The following FARS2 variants were observed in gnomAD, a reference collection of about 807,000 sequenced individuals.
The protein encoded by FARS2 is phenylalanine--tRNA ligase, mitochondrial.
FARS2 carries 40 observed loss-of-function variants against 46.4 expected under a neutral mutation model. That is an observed-to-expected ratio of 0.86 (90% CI 0.67 to 1.12). The LOEUF (loss-of-function observed/expected upper bound fraction) is 1.12. Ranked by LOEUF, FARS2 falls within the 50% of genes most tolerant of loss-of-function variation. The pLI, the probability that FARS2 is intolerant of heterozygous loss-of-function variation, is 0.00. For missense variants in FARS2, 513 were observed against 567.9 expected (o/e 0.90, Z 0.98); for synonymous variants, 234 against 214.9 (o/e 1.09, Z -0.78).
intron 4 of FARS2, among the ~76,000 whole-genome samples, chr6:5,487,813 G>T (rs567322627): frequency 6.6e-6 from 1 of 152,236 alleles, no homozygotes; most frequent in Admixed American, 6.5e-5. Context: ...TTTAGATCCT[G>T]CAGTCATCAG....
chr6:5,405,863 C>G (rs1294257986), intron 3 of FARS2, among the ~76,000 whole-genome samples: 1 of 152,106 alleles, frequency 6.6e-6, no homozygotes, highest in African/African-American at 2.4e-5. Context: ...CTGATTACCA[C>G]TATCAACAGG....
At chr6:5,602,223 A>G (rs1406028424) in intron 5 of FARS2, among the ~76,000 whole-genome samples, 3 of 152,198 alleles carry the variant, frequency 2.0e-5, no homozygotes, top group Non-Finnish European at 4.4e-5. Flanking sequence ...AACTTTACTG[A>G]AATAAGGGTG....
At chr6:5,553,119 A>G (rs1202935017) in intron 5 of FARS2, among the ~76,000 whole-genome samples, 1 of 152,160 alleles carries the variant, frequency 6.6e-6, no homozygotes, top group Admixed American at 6.5e-5. Flanking sequence ...CCCTCATTGG[A>G]TGAAATAATT....
At chr6:5,746,456 T>C (rs1031775688) in intron 6 of FARS2, among the ~76,000 whole-genome samples, 9 of 152,276 alleles carry the variant, frequency 5.9e-5, no homozygotes, top group Non-Finnish European at 1.2e-4. Context: ...CCCATTGTCT[T>C]TGAGGTCCTG....
intron 4 of FARS2, among the ~76,000 whole-genome samples, chr6:5,440,919 C>CTT (rs56965644): frequency 1.3e-3 from 191 of 144,452 alleles, no homozygotes; most frequent in Middle Eastern, 3.6e-3. Context: ...CATTTTCTTT[C>CTT]TTTTTTTTTT....
At chr6:5,341,220 TATATATATATATATA>T (rs1161886483) in intron 1 of FARS2, among the ~76,000 whole-genome samples, 348 of 7,658 alleles carry the variant, frequency 0.045, 17 homozygotes, top group African/African-American at 0.055. Flanking sequence ...TATATATATA[TATATATATATATATA>T]TTTTTTTTTT....
At chr6:5,690,406 C>G (rs933580702) in intron 6 of FARS2, among the ~76,000 whole-genome samples, 33 of 151,522 alleles carry the variant, frequency 2.2e-4, no homozygotes, top group Non-Finnish European at 3.4e-4. Context: ...GTGACAAAAT[C>G]TCTCAGCATT....
At chr6:5,738,533 T>A (rs975835818) in intron 6 of FARS2, among the ~76,000 whole-genome samples, 3 of 151,714 alleles carry the variant, frequency 2.0e-5, no homozygotes, top group Admixed American at 2.0e-4. Flanking sequence ...AAGAACAGAG[T>A]TTTTCCTGTT....
chr6:5,365,031 A>AGCCT (rs1758558274), intron 1 of FARS2, among the ~76,000 whole-genome samples: 1 of 151,882 alleles, frequency 6.6e-6, no homozygotes, highest in African/African-American at 2.4e-5. Flanking sequence ...CCTGGGTGAC[A>AGCCT]GAGTAAGACC....
intron 6 of FARS2, among the ~76,000 whole-genome samples, chr6:5,755,522 T>C (rs1762161572): frequency 6.6e-6 from 1 of 152,248 alleles, no homozygotes; most frequent in Non-Finnish European, 1.5e-5. Context: ...TTTTTCATTA[T>C]GCTCTTTCTT....
At chr6:5,655,564 G>T (rs1777568541) in intron 6 of FARS2, among the ~76,000 whole-genome samples, 1 of 152,160 alleles carries the variant, frequency 6.6e-6, no homozygotes, top group African/African-American at 2.4e-5. Flanking sequence ...CCTGCATCTA[G>T]CGGTCCCTGC....
At chr6:5,585,444 G>A (rs1186187876) in intron 5 of FARS2, among the ~76,000 whole-genome samples, 1 of 152,076 alleles carries the variant, frequency 6.6e-6, no homozygotes, top group African/African-American at 2.4e-5. Flanking sequence ...ATAACTAGAA[G>A]TATGTGCCCT....
chr6:5,591,519 G>A (rs530229501), intron 5 of FARS2, among the ~76,000 whole-genome samples: 317 of 152,338 alleles, frequency 2.1e-3, no homozygotes, highest in Admixed American at 4.6e-3. Flanking sequence ...AGATATGGGC[G>A]ATCCAGGTGC....
intron 1 of FARS2, among the ~76,000 whole-genome samples, chr6:5,339,143 G>A (rs1185747593): frequency 6.6e-6 from 1 of 152,174 alleles, no homozygotes; most frequent in Non-Finnish European, 1.5e-5. Context: ...AGGACTTTGT[G>A]TCCAGTGGCA....
At chr6:5,443,641 A>G (rs1344158410) in intron 4 of FARS2, among the ~76,000 whole-genome samples, 1 of 152,198 alleles carries the variant, frequency 6.6e-6, no homozygotes, top group East Asian at 1.9e-4. Context: ...AACCAACCTC[A>G]GGGCCTGGAG....
intron 6 of FARS2, among the ~76,000 whole-genome samples, chr6:5,671,517 A>G (rs940699384): frequency 5.9e-5 from 9 of 152,170 alleles, no homozygotes; most frequent in African/African-American, 9.7e-5. Flanking sequence ...TGTTGTATGA[A>G]TGGATTTATC....
At chr6:5,632,941 C>A (rs2150722837) in intron 6 of FARS2, among the ~76,000 whole-genome samples, 1 of 151,928 alleles carries the variant, frequency 6.6e-6, no homozygotes, top group South Asian at 2.1e-4. Flanking sequence ...GAATTCTTTC[C>A]TTCCTTCCAT....
chr6:5,472,135 A>G (rs1409103551), intron 4 of FARS2, among the ~76,000 whole-genome samples: 1 of 152,152 alleles, frequency 6.6e-6, no homozygotes. Flanking sequence ...GAATAGATGT[A>G]TATTAATGAC....
chr6:5,367,270 G>T (rs916785432), intron 1 of FARS2, among the ~76,000 whole-genome samples: 3 of 152,182 alleles, frequency 2.0e-5, no homozygotes, highest in Non-Finnish European at 4.4e-5. Context: ...TGGTATGATT[G>T]CACGGCCCTT....
Sources: allele counts gnomAD v4.1 joint callset (sites outside exome capture counted in the v4.1 genomes callset), GRCh38; gene constraint gnomAD v4.1.1; transcripts MANE v1.5; gene names NCBI Gene and HGNC (gene_info 2026-07-23, HGNC 2026-07-21).